The following IL17RD variants were observed in gnomAD, a reference collection of about 807,000 sequenced individuals.
The protein encoded by IL17RD is interleukin-17 receptor D.
Under a neutral mutation model 80.5 loss-of-function variants are expected in IL17RD, and 52 were observed. The ratio of observed to expected loss-of-function variants is 0.65; its 90% CI spans 0.52 to 0.81. IL17RD has a LOEUF of 0.81. IL17RD is among the 40% of genes least tolerant of loss of function. The probability of loss-of-function intolerance (pLI) is 0.00; values close to 1 mark genes in which losing one functional copy is unlikely to be tolerated. For missense variants in IL17RD, 1,024 were observed against 955.1 expected, an observed-to-expected ratio of 1.07 and a Z score of -0.95; for synonymous variants, 416 against 391.8, an observed-to-expected ratio of 1.06 and a Z score of -0.73.
Position 57,098,330 on chromosome 3 carries a change from G to C in IL17RD, c.1373C>G (p.Ala458Gly), listed in dbSNP as rs867131722. The C allele has an allele frequency of 4.1e-5, 66 of 1,613,988 alleles. No individual in the cohort carries two copies. The Middle Eastern group carries it at 6.4e-3, about 157-fold the overall frequency. The change falls in exon 12 of 13, where the codon GCC (alanine) becomes GGC (glycine). Residue 458 changes from alanine (A) to glycine (G), a missense_variant. Transcript: ENST00000296318. ...ELFLVAVSAI[A>G]EKLRQAKQSS... ...CTGCTTGGCCTGGCGGAGCTTTTCG[G>C]CAATGGCTGACACCGCCACCAGGAA...
intron 8 of IL17RD, 23 bp downstream of exon 8, chr3:57,104,319 G>A (rs377704565): frequency 1.5e-5 from 23 of 1,537,324 alleles, no homozygotes; most frequent in Non-Finnish European, 1.9e-5. Flanking sequence ...AGCATTAATA[G>A]GGCTTTCTTG....
chr3:57,123,969 C>T (rs1257595349), intron 1 of IL17RD, among the ~76,000 whole-genome samples: 1 of 152,102 alleles, frequency 6.6e-6, no homozygotes, highest in African/African-American at 2.4e-5. Context: ...CGCTTGAACC[C>T]GGGAGGCGGA....
At position 57,110,267 on chromosome 3, in the gene IL17RD, T is replaced by G. The variant is rs970268154; in HGVS notation, c.355A>C (p.Lys119Gln). 3.7e-6 allele frequency: 6 copies of G among 1,609,562 alleles called. No homozygotes were observed. The highest frequency in any genetic ancestry group is 5.1e-6 in the Non-Finnish European group (6 of 1,177,822). The change falls in exon 4 of 13, where the codon AAG (lysine) becomes CAG (glutamine). Residue 119 changes from lysine (K) to glutamine (Q), a missense_variant. Lys to Gln is a moderately conservative substitution (Grantham distance 53). Transcript: ENST00000296318. ...KGFRVILEEL[K>Q]SEGRQCQQLI... ...TGTTGGCACTGTCTTCCCTCCGACT[T>G]CAGCTCCTCCAGTATTACCCGAAAT...
intron 11 of IL17RD, 149 bp from the exon 12 acceptor site, chr3:57,098,687 C>A (rs1417070704): frequency 3.2e-6 from 2 of 630,686 alleles, no homozygotes; most frequent in Admixed American, 2.9e-5. Context: ...CCAGGTTACA[C>A]CATACCAAGG....
chr3:57,102,414 T>C (rs1706853410), intron 10 of IL17RD, 65 bp downstream of exon 10: 2 of 854,380 alleles, frequency 2.3e-6, no homozygotes, highest in Non-Finnish European at 3.5e-6. Context: ...CCAGTCTCTC[T>C]TTCTCTTGGC....
chr3:57,132,591 T>G (rs1255640310), intron 1 of IL17RD, among the ~76,000 whole-genome samples: 2 of 152,258 alleles, frequency 1.3e-5, no homozygotes, highest in Non-Finnish European at 2.9e-5. Context: ...AGGCAGTATT[T>G]GTTACAACTC....
intron 1 of IL17RD, chr3:57,134,736 T>C: frequency 1.6e-6 from 1 of 623,270 alleles, no homozygotes; most frequent in Non-Finnish European, 3.0e-6. Flanking sequence ...GCTCCCCCTT[T>C]GTCTGTACAT....
At chr3:57,109,711 C>T (rs1707051242) in intron 4 of IL17RD, 54 bp from the exon 5 acceptor site, 1 of 1,580,722 alleles carries the variant, frequency 6.3e-7, no homozygotes, top group Non-Finnish European at 8.6e-7. Flanking sequence ...CACCCCTCCA[C>T]CTTCATAAGG....
At chr3:57,129,056 C>CA (rs1241258553) in intron 1 of IL17RD, among the ~76,000 whole-genome samples, 2 of 152,184 alleles carry the variant, frequency 1.3e-5, no homozygotes, top group African/African-American at 4.8e-5. Context: ...CCGCTTCGCA[C>CA]ACCACTCCCA....
intron 7 of IL17RD, among the ~76,000 whole-genome samples, chr3:57,105,552 A>AAAAAAAAAAAATAT: frequency 0.048 from 3,012 of 62,726 alleles, 301 homozygotes; most frequent in Non-Finnish European, 0.065. Context: ...AAAAAAAAAA[A>AAAAAAAAAAAATAT]ATATATATAT....
chr3:57,170,227 G>T (rs2107554368), upstream of IL17RD: 1 of 152,362 alleles, frequency 6.6e-6, no homozygotes, highest in South Asian at 2.1e-4. Context: ...CTGGAGCGGT[G>T]CGTACCTTGG....
chr3:57,150,479 G>C (rs1159651695), intron 1 of IL17RD: 2 of 152,146 alleles, frequency 1.3e-5, no homozygotes, highest in African/African-American at 4.8e-5. Context: ...CTGGCTCTTT[G>C]TGCCATGGAA....
In IL17RD at chr3:57,102,535, A is replaced by G; in HGVS notation, c.923T>C (p.Val308Ala). 1 of 1,579,816 alleles carries G rather than the reference A, an allele frequency of 6.3e-7. No individual in the cohort carries two copies. Among genetic ancestry groups the G allele is most frequent in the Non-Finnish European group, 8.7e-7 (1 of 1,155,072 alleles). ...IRAVAITVPLVVISAFATLFT... is the reference protein window; with the variant it reads ...IRAVAITVPLAVISAFATLFT... ...GAGCGTCGCGAATGCCGATATGACT[A>G]CCAGTGGCACTGTGATGGCCACGGC... is the stretch of plus-strand genomic sequence containing the variant. Residue 308 changes from valine to alanine, a missense_variant, in exon 10 of 13, where the codon GTA (valine) becomes GCA (alanine). Val to Ala is a moderately conservative substitution (Grantham distance 64). Coordinates refer to ENST00000296318, the MANE Select transcript of IL17RD (RefSeq NM_017563.5).
chr3:57,124,123 G>C (rs931049038), intron 1 of IL17RD, among the ~76,000 whole-genome samples: 1 of 152,130 alleles, frequency 6.6e-6, no homozygotes, highest in Non-Finnish European at 1.5e-5. Context: ...CATCACAGAT[G>C]CTCTATAAGG....
At chr3:57,168,638 T>G (rs913254046), upstream of IL17RD, among the ~76,000 whole-genome samples, 6 of 144,582 alleles carry the variant, frequency 4.1e-5, no homozygotes, top group Admixed American at 3.5e-4. Flanking sequence ...TTGGCAACAT[T>G]CTCTGTATTC....
intron 1 of IL17RD, among the ~76,000 whole-genome samples, chr3:57,158,951 C>T (rs1022743736): frequency 1.3e-5 from 2 of 152,176 alleles, no homozygotes; most frequent in Admixed American, 1.3e-4. Context: ...CAGGTAGAAT[C>T]TGCAAATAGA....
chr3:57,110,045 C>T (rs1437691134), intron 4 of IL17RD, 148 bp downstream of exon 4: 1 of 812,738 alleles, frequency 1.2e-6, no homozygotes, highest in African/African-American at 1.7e-5. Context: ...GGAGCAGGCT[C>T]AAGGTGCTGC....
chr3:57,136,570 G>A (rs549382550), intron 1 of IL17RD, among the ~76,000 whole-genome samples: 2 of 143,972 alleles, frequency 1.4e-5, no homozygotes, highest in Non-Finnish European at 3.0e-5. Context: ...TGCAGTGATT[G>A]CACCACTGCA....
At chr3:57,136,067 A>G (rs1409478523) in intron 1 of IL17RD, among the ~76,000 whole-genome samples, 2 of 152,230 alleles carry the variant, frequency 1.3e-5, no homozygotes, top group Admixed American at 6.5e-5. Flanking sequence ...TCTCCAGTGA[A>G]TAACAGAACT....
Sources: gnomAD v4.1 joint callset for allele counts (sites outside exome capture counted in the v4.1 genomes callset) on GRCh38, gnomAD v4.1.1 for gene constraint, MANE v1.5 for transcripts, NCBI Gene and HGNC (gene_info 2026-07-23, HGNC 2026-07-21) for gene names.